Variants in PRKCB observed in about 807,000 individuals in gnomAD.
The protein encoded by PRKCB is protein kinase C beta.
A neutral mutation model predicts 81.5 loss-of-function variants in PRKCB; 13 were observed. The ratio of observed to expected loss-of-function variants is 0.16; its 90% CI spans 0.10 to 0.25. The LOEUF (loss-of-function observed/expected upper bound fraction) is 0.25, where lower values mean the gene tolerates loss of function less well. PRKCB is among the 10% of genes least tolerant of loss of function. The probability of loss-of-function intolerance (pLI) is 1.00; values close to 1 mark genes in which losing one functional copy is unlikely to be tolerated. For synonymous variants in PRKCB, 335 were observed against 321.4 expected (o/e 1.04, Z -0.45); for missense variants, 509 against 875.7 (o/e 0.58, Z 5.29).
At chr16:23,886,624 G>A (rs1963207583) in intron 2 of PRKCB, among the ~76,000 whole-genome samples, 1 of 151,990 alleles carries the variant, frequency 6.6e-6, no homozygotes, top group East Asian at 1.9e-4. Context: ...TGTTGGCCAG[G>A]CTGGTCTCGA....
chr16:24,214,164 GA>G (rs1692143258), intron 16 of PRKCB, among the ~76,000 whole-genome samples: 2 of 152,210 alleles, frequency 1.3e-5, no homozygotes. Context: ...CACTGCTCCT[GA>G]TTGAGAGCTG....
intron 2 of PRKCB, among the ~76,000 whole-genome samples, chr16:23,968,876 C>T (rs188036375): frequency 1.5e-4 from 23 of 152,216 alleles, no homozygotes; most frequent in Admixed American, 9.8e-4. Flanking sequence ...GGTTTCAAAC[C>T]GTTTCTAGGA....
chr16:24,129,978 A>G (rs1966850957), intron 9 of PRKCB, among the ~76,000 whole-genome samples: 1 of 152,190 alleles, frequency 6.6e-6, no homozygotes. Context: ...GTAACATTTG[A>G]CTGTATTTGC....
chr16:24,009,599 T>A (rs1316568655), intron 3 of PRKCB, among the ~76,000 whole-genome samples: 1 of 151,540 alleles, frequency 6.6e-6, no homozygotes, highest in Non-Finnish European at 1.5e-5. Context: ...CTATTTTTTT[T>A]TTTAAAAAAG....
At chr16:23,990,669 GC>G (rs1251191707) in intron 3 of PRKCB, among the ~76,000 whole-genome samples, 2 of 151,554 alleles carry the variant, frequency 1.3e-5, no homozygotes, top group Non-Finnish European at 2.9e-5. Context: ...CACCTCAGCC[GC>G]CCACGTAGCT....
At chr16:24,208,273 A>AAAAAC (rs369900549) in intron 16 of PRKCB, 10 of 152,510 alleles carry the variant, frequency 6.6e-5, no homozygotes, top group African/African-American at 1.4e-4. Flanking sequence ...CCTTGTCTCA[A>AAAAAC]AAAACAAAAC....
At position 23,949,146 on chromosome 16, in the gene PRKCB, G is replaced by A. The variant is rs180917318; in HGVS notation, c.206-39362G>A. 2.3e-3 allele frequency among the ~76,000 whole-genome samples: 352 copies of A among 152,340 alleles called. 1 individual carries two copies. The highest frequency in any genetic ancestry group is 4.5e-3 in the Non-Finnish European group (307 of 68,020). The stretch of plus-strand genomic sequence containing the variant: ...GAATGTTTACACTCTTCCGGAGTCT[G>A]TAGGTGGATGCCAGGGACAGAGAAT... On this transcript the variant is annotated intron_variant, in intron 2 of 16. Transcript: ENST00000643927.
intron 2 of PRKCB, among the ~76,000 whole-genome samples, chr16:23,978,390 G>A (rs775711487): frequency 6.6e-6 from 1 of 152,200 alleles, no homozygotes; most frequent in Non-Finnish European, 1.5e-5. Flanking sequence ...AAGGTAGGTA[G>A]GATGAGTGAA....
Position 23,988,440 on chromosome 16 carries a change from CTT to C in PRKCB, c.206-66_206-65del. 6 of 1,306,344 alleles carry C rather than the reference CTT, an allele frequency of 4.6e-6. No homozygotes were observed. In the South Asian group the frequency reaches 7.3e-5, roughly 16 times the overall value. 80.9% of individuals were successfully genotyped at this position (1,306,344 alleles called of 1,614,324 possible). On this transcript the variant is annotated intron_variant, in intron 2 of 16. Transcript: ENST00000643927. ...TTCAAGTTTAATGATCTCTTCCTCC[CTT>C]TCTCTCTCTTCCTCCTCTCCGCTTT... is the stretch of plus-strand genomic sequence containing the variant.
At chr16:23,935,648 A>G (rs926435545) in intron 2 of PRKCB, among the ~76,000 whole-genome samples, 1 of 152,242 alleles carries the variant, frequency 6.6e-6, no homozygotes, top group Non-Finnish European at 1.5e-5. Flanking sequence ...AATAACAAAG[A>G]TATGGAATCA....
intron 2 of PRKCB, among the ~76,000 whole-genome samples, chr16:23,916,658 CT>C (rs1271948622): frequency 6.6e-6 from 1 of 152,178 alleles, no homozygotes; most frequent in Non-Finnish European, 1.5e-5. Context: ...ATTTATTTTT[CT>C]CTTCCTCAAA....
At chr16:24,139,582 G>A (rs1567389097) in intron 9 of PRKCB, among the ~76,000 whole-genome samples, 1 of 152,126 alleles carries the variant, frequency 6.6e-6, no homozygotes, top group East Asian at 1.9e-4. Flanking sequence ...TCTAAACTTC[G>A]TTTCACACTT....
intron 3 of PRKCB, among the ~76,000 whole-genome samples, chr16:24,022,502 T>C (rs1414400962): frequency 6.6e-6 from 1 of 152,198 alleles, no homozygotes; most frequent in African/African-American, 2.4e-5. Flanking sequence ...TCTTTCTTTT[T>C]TTTGTTTGAG....
chr16:24,063,978 G>A (rs979830332), intron 5 of PRKCB, among the ~76,000 whole-genome samples: 38 of 152,156 alleles, frequency 2.5e-4, no homozygotes, highest in African/African-American at 8.4e-4. Context: ...TGTTGGGTGG[G>A]AAAAGCATTT....
At chr16:24,028,789 A>G (rs1319550315) in intron 3 of PRKCB, among the ~76,000 whole-genome samples, 1 of 151,782 alleles carries the variant, frequency 6.6e-6, no homozygotes, top group Non-Finnish European at 1.5e-5. Flanking sequence ...ACCTTCATGT[A>G]TGGATATGGT....
chr16:24,111,310 A>G (rs1457020100), intron 7 of PRKCB: 1 of 152,224 alleles, frequency 6.6e-6, no homozygotes, highest in Admixed American at 6.5e-5. Flanking sequence ...CATTGTGATG[A>G]AAATTTTAAA....
intron 3 of PRKCB, among the ~76,000 whole-genome samples, chr16:24,012,933 T>G (rs1302880456): frequency 6.6e-6 from 1 of 152,252 alleles, no homozygotes. Flanking sequence ...TCTCTCTTCT[T>G]CCCTGTGAGT....
chr16:23,906,444 T>C (rs1285201326), intron 2 of PRKCB, among the ~76,000 whole-genome samples: 1 of 152,190 alleles, frequency 6.6e-6, no homozygotes, highest in Admixed American at 6.5e-5. Flanking sequence ...ATGTAATTTA[T>C]AAAATTGGTG....
chr16:23,993,775 G>T (rs766987024), intron 3 of PRKCB, among the ~76,000 whole-genome samples: 1 of 152,192 alleles, frequency 6.6e-6, no homozygotes, highest in African/African-American at 2.4e-5. Flanking sequence ...GGATCGCAGA[G>T]TTACAACAAC....
Sources: allele counts gnomAD v4.1 joint callset (sites outside exome capture counted in the v4.1 genomes callset), GRCh38; gene constraint gnomAD v4.1.1; transcripts MANE v1.5; gene names NCBI Gene and HGNC (gene_info 2026-07-23, HGNC 2026-07-21).